STXBP5: variants seen among roughly 807,000 people sequenced by gnomAD.
STXBP5 encodes the protein syntaxin binding protein 5.
In STXBP5, 50 loss-of-function variants were observed where a neutral mutation model predicts 152.4. The ratio of observed to expected loss-of-function variants is 0.33; its 90% CI spans 0.26 to 0.42. STXBP5 has a LOEUF of 0.42. Among genes scored for constraint, STXBP5 ranks in the 10% least tolerant of loss-of-function variants. STXBP5 has a pLI of 1.00. For synonymous variants in STXBP5, 492 were observed against 494.7 expected (o/e 0.99, Z 0.07); for missense variants, 1,167 against 1,388.6 (o/e 0.84, Z 2.54).
intron 18 of STXBP5, among the ~76,000 whole-genome samples, chr6:147,329,135 TA>T (rs1783423334): frequency 6.6e-6 from 1 of 151,618 alleles, no homozygotes; most frequent in African/African-American, 2.4e-5. Flanking sequence ...CTAGCTTATG[TA>T]AAATTGCTAG....
At chr6:147,247,847 A>G (rs1278908705) in intron 4 of STXBP5, among the ~76,000 whole-genome samples, 3 of 152,188 alleles carry the variant, frequency 2.0e-5, no homozygotes, top group Non-Finnish European at 4.4e-5. Flanking sequence ...GGAATAGGGG[A>G]AATATATTTA....
At chr6:147,262,219 TG>T in intron 5 of STXBP5, 70 bp from the exon 6 acceptor site, 1 of 842,618 alleles carries the variant, frequency 1.2e-6, no homozygotes. Flanking sequence ...TTATTTTTAT[TG>T]GAATGAAATA....
At chr6:147,310,585 C>T (rs1352232722) in intron 10 of STXBP5, among the ~76,000 whole-genome samples, 1 of 152,022 alleles carries the variant, frequency 6.6e-6, no homozygotes, top group African/African-American at 2.4e-5. Flanking sequence ...TTGGCTCACA[C>T]TGTTGTGGGG....
intron 11 of STXBP5, 40 bp downstream of exon 11, chr6:147,311,567 G>A: frequency 1.3e-6 from 2 of 1,506,862 alleles, no homozygotes; most frequent in South Asian, 1.2e-5. Context: ...ATCAGTATGT[G>A]GTTGAAAAAA....
chr6:147,358,911 G>T (rs945946336), intron 22 of STXBP5, among the ~76,000 whole-genome samples, 173 bp from the exon 23 acceptor site: 1 of 152,146 alleles, frequency 6.6e-6, no homozygotes, highest in Non-Finnish European at 1.5e-5. Context: ...AAGTGGACTT[G>T]TGTAGTTCAA....
At chr6:147,244,163 A>C (rs1778685262) in intron 4 of STXBP5, among the ~76,000 whole-genome samples, 1 of 152,220 alleles carries the variant, frequency 6.6e-6, no homozygotes, top group African/African-American at 2.4e-5. Context: ...TTTAATGTGC[A>C]TAGGATGTGC....
intron 16 of STXBP5, among the ~76,000 whole-genome samples, chr6:147,323,939 C>G (rs1488139525): frequency 6.6e-6 from 1 of 152,152 alleles, no homozygotes; most frequent in African/African-American, 2.4e-5. Context: ...TGGCCCTGGC[C>G]TGTCTTGCTG....
intron 2 of STXBP5, among the ~76,000 whole-genome samples, chr6:147,220,666 T>G (rs1303078577): frequency 2.0e-5 from 3 of 152,176 alleles, no homozygotes; most frequent in Admixed American, 2.0e-4. Flanking sequence ...AGTCTGTGTC[T>G]GAAATTAATA....
intron 9 of STXBP5, among the ~76,000 whole-genome samples, chr6:147,302,411 G>C (rs1393253405): frequency 1.3e-5 from 2 of 152,128 alleles, no homozygotes; most frequent in Non-Finnish European, 2.9e-5. Flanking sequence ...AACAATTGAT[G>C]AGAATGATAA....
rs1783308158 is a variant in STXBP5 at position 147,327,201 on chromosome 6, A to G, written c.2005A>G (p.Ile669Val). ...AGCAGTGCTGCTCAACCTGGGCACT[A>G]TTGAATTATATGGCTCTAATGATCC... ...QKAVLLNLGT[I>V]ELYGSNDPYR... The change falls in exon 18 of 28, where the codon ATT (isoleucine) becomes GTT (valine). Residue 669 changes from isoleucine to valine, a missense_variant. Coordinates refer to ENST00000321680, the MANE Select transcript of STXBP5 (RefSeq NM_001127715.4). 2 of 1,614,154 alleles carry G rather than the reference A, an allele frequency of 1.2e-6. No homozygotes were observed. Among genetic ancestry groups the G allele is most frequent in the Non-Finnish European group, 1.7e-6 (2 of 1,180,024 alleles).
chr6:147,383,999 A>T (rs1786222867), intron 27 of STXBP5, among the ~76,000 whole-genome samples: 1 of 152,070 alleles, frequency 6.6e-6, no homozygotes, highest in Admixed American at 6.5e-5. Flanking sequence ...CGATTGTATG[A>T]TCTCTACAGC....
intron 22 of STXBP5, among the ~76,000 whole-genome samples, chr6:147,355,765 T>A (rs1025852198): frequency 6.6e-6 from 1 of 151,728 alleles, no homozygotes; most frequent in African/African-American, 2.4e-5. Context: ...ATGTAAAGTA[T>A]TAGTGCCTGG....
chr6:147,246,787 G>A (rs1307749950), intron 4 of STXBP5, among the ~76,000 whole-genome samples: 1 of 152,044 alleles, frequency 6.6e-6, no homozygotes, highest in East Asian at 1.9e-4. Context: ...TATCAAGGGA[G>A]AATTCATGTT....
At chr6:147,344,861 A>G (rs1316352301) in intron 21 of STXBP5, among the ~76,000 whole-genome samples, 6 of 152,188 alleles carry the variant, frequency 3.9e-5, no homozygotes, top group Admixed American at 1.3e-4. Context: ...AGATGTTGCA[A>G]AGAGTTTAAT....
At chr6:147,237,821 T>C (rs939866328) in intron 3 of STXBP5, among the ~76,000 whole-genome samples, 3 of 152,194 alleles carry the variant, frequency 2.0e-5, no homozygotes, top group Non-Finnish European at 2.9e-5. Context: ...GGGGAGACTT[T>C]ACAATTTCTT....
chr6:147,255,663 A>G (rs933754740), intron 4 of STXBP5, among the ~76,000 whole-genome samples: 5 of 152,078 alleles, frequency 3.3e-5, no homozygotes, highest in Admixed American at 2.0e-4. Flanking sequence ...GACTACAGGC[A>G]TGAATCTCCA....
At chr6:147,337,692 A>G (rs962831764) in intron 19 of STXBP5, among the ~76,000 whole-genome samples, 1 of 152,008 alleles carries the variant, frequency 6.6e-6, no homozygotes, top group African/African-American at 2.4e-5. Context: ...ATATTTTAAA[A>G]TATATATAAC....
Position 147,339,200 on chromosome 6 carries a change from C to G in STXBP5, c.2168C>G (p.Ser723Ter), listed in dbSNP as rs1266883883. 28 of 1,539,700 alleles carry G rather than the reference C, an allele frequency of 1.8e-5. No individual in the cohort carries two copies. Among genetic ancestry groups the G allele is most frequent in the Non-Finnish European group, 2.3e-5 (26 of 1,143,158 alleles). Residue 723 changes from serine (S) to a stop codon, truncating the protein, a stop_gained, in exon 20 of 28, where the codon TCA becomes TGA. Coordinates refer to ENST00000321680, the MANE Select transcript of STXBP5 (RefSeq NM_001127715.4). LOFTEE classifies it high-confidence loss of function. Reference sequence around the variant, plus strand: ...GTAGGTTCTTCATCACCACACAATTCAGATGATGAACAAAAAATGAATAAT... The same window carrying G: ...GTAGGTTCTTCATCACCACACAATTGAGATGATGAACAAAAAATGAATAAT... Reference protein sequence around the residue: ...PTSGSSSPHNSDDEQKMNNFI... With the variant: ...PTSGSSSPHN
intron 7 of STXBP5, among the ~76,000 whole-genome samples, chr6:147,272,547 G>T (rs1179139995): frequency 1.3e-5 from 2 of 152,110 alleles, no homozygotes; most frequent in Non-Finnish European, 2.9e-5. Context: ...TACAATTTCA[G>T]ATATTCAAGA....
Sources: gnomAD v4.1 joint callset for allele counts (sites outside exome capture counted in the v4.1 genomes callset) on GRCh38, gnomAD v4.1.1 for gene constraint, MANE v1.5 for transcripts, NCBI Gene and HGNC (gene_info 2026-07-23, HGNC 2026-07-21) for gene names.